PTPRG: variants seen among roughly 807,000 people sequenced by gnomAD.
The protein encoded by PTPRG is protein tyrosine phosphatase receptor type G, also known as receptor-type tyrosine-protein phosphatase gamma.
PTPRG carries 102 observed loss-of-function variants against 165.3 expected under a neutral mutation model. The ratio of observed to expected loss-of-function variants is 0.62; its 90% CI spans 0.53 to 0.73. The LOEUF is 0.73. PTPRG is among the 30% of genes least tolerant of loss of function. PTPRG has a pLI of 0.00. For synonymous variants in PTPRG, 675 were observed against 669.5 expected (o/e 1.01, Z -0.13); for missense variants, 1,866 against 1,861.4 (o/e 1.00, Z -0.05).
At chr3:62,000,241 A>G (rs1359689177) in intron 3 of PTPRG, among the ~76,000 whole-genome samples, 3 of 147,322 alleles carry the variant, frequency 2.0e-5, no homozygotes, top group South Asian at 4.3e-4. Flanking sequence ...TGATCACATC[A>G]TTGCGCTCCA....
chr3:61,749,019 A>G (rs769992948), intron 2 of PTPRG, 37 bp downstream of exon 2: 46 of 1,501,616 alleles, frequency 3.1e-5, no homozygotes, highest in Non-Finnish European at 4.3e-5. Context: ...CACACAGGCC[A>G]GTTAACATCC....
At position 62,137,659 on chromosome 3, in the gene PTPRG, C is replaced by CT. The variant is rs564237558; in HGVS notation, c.682+4998dup. Among the ~76,000 whole-genome samples, 396 of 152,204 alleles carry CT rather than the reference C, an allele frequency of 2.6e-3. 1 individual carries two copies. In the Middle Eastern group the frequency reaches 0.065, roughly 25 times the overall value. Reference sequence around the variant, plus strand: ...GACCGGCAGCAGAGACCACCGTGATCTTTTTTTGGTGCAAGTTTGGCTTTG... The same window carrying CT: ...GACCGGCAGCAGAGACCACCGTGATCTTTTTTTTGGTGCAAGTTTGGCTTTG... On this transcript the variant is annotated intron_variant, in intron 6 of 29. Coordinates refer to ENST00000474889, the MANE Select transcript of PTPRG (RefSeq NM_002841.4).
intron 2 of PTPRG, among the ~76,000 whole-genome samples, chr3:61,912,128 G>A (rs2038816695): frequency 6.6e-6 from 1 of 151,966 alleles, no homozygotes; most frequent in Non-Finnish European, 1.5e-5. Context: ...TATTTTTGTA[G>A]CCTCATAGGA....
chr3:61,997,843 G>C (rs1030181565), intron 3 of PTPRG, among the ~76,000 whole-genome samples: 8 of 152,220 alleles, frequency 5.3e-5, no homozygotes, highest in Admixed American at 5.2e-4. Flanking sequence ...CTGACTTTCA[G>C]ACAACAGCGT....
At chr3:62,169,142 A>G (rs1329107010) in intron 8 of PTPRG, among the ~76,000 whole-genome samples, 1 of 152,066 alleles carries the variant, frequency 6.6e-6, no homozygotes, top group Non-Finnish European at 1.5e-5. Context: ...GCGGGCCAAA[A>G]GGCAACTTTT....
At chr3:61,961,637 G>A (rs568813464) in intron 2 of PTPRG, among the ~76,000 whole-genome samples, 19 of 152,244 alleles carry the variant, frequency 1.2e-4, no homozygotes, top group African/African-American at 4.1e-4. Flanking sequence ...AGAAAATCCA[G>A]CCATGCTTGA....
At chr3:62,097,014 A>C (rs951349454) in intron 5 of PTPRG, among the ~76,000 whole-genome samples, 15 of 152,198 alleles carry the variant, frequency 9.9e-5, no homozygotes, top group Admixed American at 2.6e-4. Flanking sequence ...TAAAAGTGAA[A>C]TTATGGGCCA....
chr3:62,052,701 AAAAG>A (rs775653329), intron 4 of PTPRG, among the ~76,000 whole-genome samples: 1 of 152,260 alleles, frequency 6.6e-6, no homozygotes, highest in South Asian at 2.1e-4. Context: ...TCTTAAAAAA[AAAAG>A]AAAGAAAAGA....
intron 3 of PTPRG, among the ~76,000 whole-genome samples, chr3:61,999,058 T>C (rs1298981282): frequency 6.6e-6 from 1 of 151,912 alleles, no homozygotes; most frequent in Non-Finnish European, 1.5e-5. Flanking sequence ...CTTTTTTTCT[T>C]TTTTTTTGGA....
chr3:61,876,042 A>C (rs1233070656), intron 2 of PTPRG, among the ~76,000 whole-genome samples: 2 of 152,238 alleles, frequency 1.3e-5, no homozygotes, highest in African/African-American at 4.8e-5. Flanking sequence ...AAAGCCTTCA[A>C]GATTTGAGCA....
intron 2 of PTPRG, among the ~76,000 whole-genome samples, chr3:61,888,197 CTTTG>C (rs1176302612): frequency 6.9e-6 from 1 of 145,530 alleles, no homozygotes; most frequent in East Asian, 2.5e-4. Context: ...ATTTTTAAAT[CTTTG>C]TGTGTGTGTG....
At chr3:62,095,418 T>A (rs1702078135) in intron 5 of PTPRG, among the ~76,000 whole-genome samples, 2 of 152,140 alleles carry the variant, frequency 1.3e-5, no homozygotes, top group African/African-American at 2.4e-5. Context: ...GTAGAGGAGA[T>A]CACGTACCAT....
chr3:61,847,483 T>A (rs1462658446), intron 2 of PTPRG, among the ~76,000 whole-genome samples: 1 of 152,126 alleles, frequency 6.6e-6, no homozygotes, highest in Non-Finnish European at 1.5e-5. Flanking sequence ...GGTGTGTTGT[T>A]ATTAGCACCC....
At chr3:61,676,392 G>T (rs995432630) in intron 1 of PTPRG, among the ~76,000 whole-genome samples, 15 of 134,422 alleles carry the variant, frequency 1.1e-4, no homozygotes, top group South Asian at 2.4e-4. Flanking sequence ...GGGAGGCAGA[G>T]CTTGCAGTGA....
At chr3:61,878,354 G>T (rs1364018567) in intron 2 of PTPRG, among the ~76,000 whole-genome samples, 1 of 152,082 alleles carries the variant, frequency 6.6e-6, no homozygotes, top group Non-Finnish European at 1.5e-5. Flanking sequence ...CTTCTTTTGG[G>T]TTCTGTTTGA....
At chr3:61,635,395 C>T (rs1367208742) in intron 1 of PTPRG, among the ~76,000 whole-genome samples, 5 of 150,792 alleles carry the variant, frequency 3.3e-5, no homozygotes, top group Admixed American at 3.3e-4. Context: ...TCACTCTTAT[C>T]ACCCAGGTTG....
rs536988711 is a variant in PTPRG, at chr3:61,756,221, C to T, written c.190+7239C>T. On this transcript the variant is annotated intron_variant, in intron 2 of 29. Coordinates refer to ENST00000474889, the MANE Select transcript of PTPRG (RefSeq NM_002841.4). ...TCTTATGCCCTTTAGAGTTCATGCT[C>T]TTTGAACAGAACCTTTGTCTGTAAT... 2.8e-4 allele frequency among the ~76,000 whole-genome samples: 43 copies of T among 152,166 alleles called. 1 individual carries two copies. Among genetic ancestry groups the T allele is most frequent in the Non-Finnish European group, 5.3e-4 (36 of 68,034 alleles).
At chr3:62,046,953 G>C (rs1700312371) in intron 4 of PTPRG, among the ~76,000 whole-genome samples, 1 of 152,168 alleles carries the variant, frequency 6.6e-6, no homozygotes, top group South Asian at 2.1e-4. Context: ...TTCTCTCAAT[G>C]TGCTAAGCAG....
At position 61,946,816 on chromosome 3, in the gene PTPRG, T is replaced by A. The variant is rs144724311; in HGVS notation, c.191-42809T>A. Among the ~76,000 whole-genome samples, 495 of 152,372 alleles carry A rather than the reference T, an allele frequency of 3.2e-3. 1 individual carries two copies. Among genetic ancestry groups the A allele is most frequent in the African/African-American group, 0.011 (478 of 41,594 alleles). Reference sequence around the variant, plus strand: ...TTAAGCACACTGAATTTGTAGAGCATGAGCTTGTTCTTATGTTAGAGCTCC... The same window carrying A: ...TTAAGCACACTGAATTTGTAGAGCAAGAGCTTGTTCTTATGTTAGAGCTCC... On this transcript the variant is annotated intron_variant, in intron 2 of 29. Transcript: ENST00000474889.
Sources: allele counts gnomAD v4.1 joint callset (sites outside exome capture counted in the v4.1 genomes callset), GRCh38; gene constraint gnomAD v4.1.1; transcripts MANE v1.5; gene names NCBI Gene and HGNC (gene_info 2026-07-23, HGNC 2026-07-21).